AMMECR1: variants seen among roughly 807,000 people sequenced by gnomAD.
AMMECR1 encodes nuclear protein AMMECR1.
Under a neutral mutation model 22.5 loss-of-function variants are expected in AMMECR1, and 3 were observed. That is an observed-to-expected ratio of 0.13 (90% confidence interval 0.06 to 0.35). The LOEUF (loss-of-function observed/expected upper bound fraction) is 0.35. AMMECR1 is among the 10% of genes least tolerant of loss of function. The probability of loss-of-function intolerance (pLI) is 1.00; values close to 1 mark genes in which losing one functional copy is unlikely to be tolerated. For missense variants in AMMECR1, 235 were observed against 278.7 expected (o/e 0.84, Z 1.12); for synonymous variants, 130 against 116.7 (o/e 1.11, Z -0.74).
chrX:110,304,633 C>T (rs1368874344), intron 1 of AMMECR1, among the ~76,000 whole-genome samples: 2 of 112,033 alleles, frequency 1.8e-5, no homozygotes, highest in African/African-American at 3.2e-5. Context: ...GTCAAGGTTT[C>T]ATGACATTCA....
rs1005245318 is a variant in AMMECR1 at position 110,197,629 on chromosome X, CTTAA to C, written c.*887_*890del. ...TTTTTTCTAACCCCTCTTAATTCCA[CTTAA>C]TTATATTCTTCTCAAAGGCACTAAA... is the stretch of plus-strand genomic sequence containing the variant. On this transcript the variant is annotated 3_prime_UTR_variant, in exon 6 of 6. Transcript: ENST00000262844. 8.9e-6 allele frequency: 1 copy of C among 111,842 alleles called. No homozygotes were observed. Among genetic ancestry groups the C allele is most frequent in the Non-Finnish European group, 1.9e-5 (1 of 53,090 alleles). The allele number at this position is 111,842 out of a possible 1,213,427, so 9.2% of individuals were successfully genotyped here.
chrX:110,288,319 C>G (rs893977776), intron 1 of AMMECR1, among the ~76,000 whole-genome samples: 4 of 111,702 alleles, frequency 3.6e-5, no homozygotes, highest in African/African-American at 9.8e-5. Context: ...ATTCACCTAC[C>G]CACCCTCATA....
intron 4 of AMMECR1, among the ~76,000 whole-genome samples, chrX:110,202,129 C>T (rs780089289): frequency 8.9e-6 from 1 of 112,048 alleles, no homozygotes; most frequent in South Asian, 3.7e-4. Context: ...GTTTATGCCA[C>T]AATGGAATAT....
upstream of AMMECR1, chrX:110,318,158 CCGGGGGCGCGCCAGAGGCTGG>C (rs979619568): frequency 4.4e-5 from 39 of 876,517 alleles, no homozygotes; most frequent in East Asian, 1.3e-4. Context: ...GCTCAGGCCG[CCGGGGGCGCGCCAGAGGCTGG>C]CGGGGCGCGC....
chrX:110,289,812 A>C (rs1378379055), intron 1 of AMMECR1, among the ~76,000 whole-genome samples: 1 of 112,205 alleles, frequency 8.9e-6, no homozygotes, highest in Non-Finnish European at 1.9e-5. Context: ...ATTAATCTTT[A>C]ATCATGAAAA....
chrX:110,304,511 C>T (rs2067984015), intron 1 of AMMECR1, among the ~76,000 whole-genome samples: 1 of 112,262 alleles, frequency 8.9e-6, no homozygotes, highest in African/African-American at 3.2e-5. Flanking sequence ...GGCACTCAGG[C>T]AGTGTGACAT....
At chrX:110,272,112 A>G (rs2067802199) in intron 1 of AMMECR1, among the ~76,000 whole-genome samples, 1 of 110,113 alleles carries the variant, frequency 9.1e-6, no homozygotes, top group South Asian at 3.9e-4. Context: ...GCTACTCGGG[A>G]GGCTGAGGCA....
At chrX:110,377,858 A>T (rs978004877) in intron 2 of AMMECR1, among the ~76,000 whole-genome samples, 12 of 108,087 alleles carry the variant, frequency 1.1e-4, no homozygotes, top group African/African-American at 4.1e-4. Flanking sequence ...AAATACAAAA[A>T]ATTAGCCGGG....
intron 2 of AMMECR1, among the ~76,000 whole-genome samples, chrX:110,254,118 G>A (rs2067698787): frequency 9.0e-6 from 1 of 110,545 alleles, no homozygotes; most frequent in Admixed American, 9.7e-5. Context: ...AAAACATACC[G>A]ACCTCCCCAA....
At chrX:110,311,673 C>T (rs184041644) in intron 1 of AMMECR1, among the ~76,000 whole-genome samples, 234 of 112,239 alleles carry the variant, frequency 2.1e-3, no homozygotes, top group African/African-American at 6.0e-3. Flanking sequence ...ATAAAACATG[C>T]TCCACCCAAC....
At chrX:110,287,258 G>A (rs2067885191) in intron 1 of AMMECR1, among the ~76,000 whole-genome samples, 1 of 112,388 alleles carries the variant, frequency 8.9e-6, no homozygotes. Context: ...AACTGGTGTA[G>A]TCACCTAATG....
At chrX:110,301,170 CTGTA>C (rs2067964827) in intron 1 of AMMECR1, among the ~76,000 whole-genome samples, 1 of 112,523 alleles carries the variant, frequency 8.9e-6, no homozygotes, top group African/African-American at 3.2e-5. Context: ...TGGACTAGTT[CTGTA>C]AAGCCTATAT....
intron 2 of AMMECR1, among the ~76,000 whole-genome samples, chrX:110,383,864 G>A (rs1211045518): frequency 1.8e-5 from 2 of 111,827 alleles, no homozygotes; most frequent in Non-Finnish European, 3.8e-5. Flanking sequence ...GGGCTCTGGA[G>A]GCAGACTGCC....
intron 2 of AMMECR1, among the ~76,000 whole-genome samples, chrX:110,222,556 C>T (rs1368910836): frequency 8.2e-5 from 8 of 97,271 alleles, no homozygotes; most frequent in Admixed American, 3.4e-4. Context: ...TGTAACTAAC[C>T]TGCACAATGT....
At chrX:110,255,267 C>T (rs2067705144) in intron 2 of AMMECR1, among the ~76,000 whole-genome samples, 1 of 111,694 alleles carries the variant, frequency 9.0e-6, no homozygotes, top group Admixed American at 9.6e-5. Flanking sequence ...CTGAGCCCCA[C>T]TGTAATCAAC....
At chrX:110,410,527 G>A (rs1012110589) in intron 2 of AMMECR1, among the ~76,000 whole-genome samples, 2 of 111,701 alleles carry the variant, frequency 1.8e-5, no homozygotes, top group African/African-American at 6.5e-5. Flanking sequence ...GTAACTGAGG[G>A]AAAATAGGAG....
At chrX:110,252,211 C>T (rs2067689574) in intron 2 of AMMECR1, among the ~76,000 whole-genome samples, 1 of 111,150 alleles carries the variant, frequency 9.0e-6, no homozygotes, top group South Asian at 3.8e-4. Flanking sequence ...ACAACTAGAA[C>T]CCAGATATGG....
At chrX:110,381,139 G>A (rs556695597) in intron 2 of AMMECR1, among the ~76,000 whole-genome samples, 19 of 111,173 alleles carry the variant, frequency 1.7e-4, no homozygotes, top group Non-Finnish European at 3.0e-4. Context: ...AGAAAATATC[G>A]ACAGGCACCC....
intron 2 of AMMECR1, among the ~76,000 whole-genome samples, chrX:110,326,830 C>A (rs1269612565): frequency 9.0e-6 from 1 of 111,712 alleles, no homozygotes. Context: ...CAGGAGACTT[C>A]GTTAATTCAG....
Sources: allele counts gnomAD v4.1 joint callset (sites outside exome capture counted in the v4.1 genomes callset), GRCh38; gene constraint gnomAD v4.1.1; transcripts MANE v1.5; gene names NCBI Gene and HGNC (gene_info 2026-07-23, HGNC 2026-07-21).